SLC2A9: variants seen among roughly 807,000 people sequenced by gnomAD.
SLC2A9 encodes solute carrier family 2, facilitated glucose transporter member 9.
SLC2A9 carries 39 observed loss-of-function variants against 50.6 expected under a neutral mutation model. The ratio of observed to expected loss-of-function variants is 0.77; its 90% CI spans 0.60 to 1.01. The LOEUF (loss-of-function observed/expected upper bound fraction) is 1.01, where lower values mean the gene tolerates loss of function less well. Among genes scored for constraint, SLC2A9 ranks in the 50% least tolerant of loss-of-function variants. The pLI, the probability that SLC2A9 is intolerant of heterozygous loss-of-function variation, is 0.00. For synonymous variants in SLC2A9, 324 were observed against 276.9 expected (o/e 1.17, Z -1.69); for missense variants, 686 against 677.6 (o/e 1.01, Z -0.14).
At chr4:10,025,738 A>T (rs1763728158), upstream of SLC2A9, 20 of 641,506 alleles carry the variant, frequency 3.1e-5, no homozygotes, top group Non-Finnish European at 5.5e-5. Context: ...GACACTCTAC[A>T]ATCCCCATGG....
chr4:9,873,572 T>C (rs1319539074), intron 10 of SLC2A9, among the ~76,000 whole-genome samples: 1 of 152,208 alleles, frequency 6.6e-6, no homozygotes, highest in East Asian at 1.9e-4. Context: ...CACCATCATA[T>C]AAACAAACCT....
At chr4:9,937,346 G>A (rs1019405768) in intron 6 of SLC2A9, among the ~76,000 whole-genome samples, 1 of 152,098 alleles carries the variant, frequency 6.6e-6, no homozygotes, top group African/African-American at 2.4e-5. Context: ...ATTTATCTCT[G>A]TGGGCCTCTG....
At chr4:9,962,548 C>T (rs949145221) in intron 5 of SLC2A9, among the ~76,000 whole-genome samples, 3 of 152,104 alleles carry the variant, frequency 2.0e-5, no homozygotes, top group Admixed American at 6.5e-5. Flanking sequence ...AGGGGAACAA[C>T]ACACACTGGG....
intron 5 of SLC2A9, among the ~76,000 whole-genome samples, chr4:9,946,789 C>G (rs1315398028): frequency 4.6e-5 from 7 of 152,180 alleles, no homozygotes; most frequent in Non-Finnish European, 7.3e-5. Flanking sequence ...TCTCCTTATT[C>G]CTCTAAAATT....
chr4:9,938,909 G>A (rs1346978509), intron 6 of SLC2A9, among the ~76,000 whole-genome samples: 1 of 152,160 alleles, frequency 6.6e-6, no homozygotes, highest in African/African-American at 2.4e-5. Context: ...ACTATGAACT[G>A]GGGGTGGGGA....
chr4:9,861,331 AATG>A (rs1009024039), intron 10 of SLC2A9, among the ~76,000 whole-genome samples: 1 of 152,028 alleles, frequency 6.6e-6, no homozygotes, highest in South Asian at 2.1e-4. Flanking sequence ...CATCGTTTAA[AATG>A]ATGATAGTGA....
chr4:9,947,564 C>G (rs1749422056), intron 5 of SLC2A9, among the ~76,000 whole-genome samples: 1 of 152,168 alleles, frequency 6.6e-6, no homozygotes, highest in African/African-American at 2.4e-5. Context: ...CCGACCTTTC[C>G]CGAGCAGTTA....
At position 10,009,265 on chromosome 4, in the gene SLC2A9, G is replaced by A. The variant is rs2109412631; in HGVS notation, c.249+9710C>T. 1.3e-5 allele frequency among the ~76,000 whole-genome samples: 2 copies of A among 152,274 alleles called. 1 individual carries two copies. The highest frequency in any genetic ancestry group is 4.2e-4 in the South Asian group (2 of 4,814). ...CCAGGCGACATGCTTCTTTCTCTAAGAGCGCCTGGGTTCCCAGAGCAGCCT... is the reference window on the plus strand; with the variant it reads ...CCAGGCGACATGCTTCTTTCTCTAAAAGCGCCTGGGTTCCCAGAGCAGCCT... On this transcript the variant is annotated intron_variant, in intron 2 of 11. Coordinates refer to ENST00000264784, the MANE Select transcript of SLC2A9 (RefSeq NM_020041.3).
intron 6 of SLC2A9, among the ~76,000 whole-genome samples, chr4:9,923,610 A>G (rs1744341207): frequency 6.6e-6 from 1 of 152,152 alleles, no homozygotes; most frequent in Non-Finnish European, 1.5e-5. Flanking sequence ...AGAAAGAGTT[A>G]AGCTGCTGAC....
intron 10 of SLC2A9, among the ~76,000 whole-genome samples, chr4:9,854,118 TAAGA>T (rs527928057): frequency 4.0e-5 from 6 of 151,520 alleles, no homozygotes; most frequent in Non-Finnish European, 8.8e-5. Context: ...TAGCAGAAGA[TAAGA>T]AATAACCAAA....
chr4:9,891,004 G>A (rs1560251454), intron 8 of SLC2A9, among the ~76,000 whole-genome samples: 2 of 152,220 alleles, frequency 1.3e-5, no homozygotes, highest in African/African-American at 4.8e-5. Context: ...CTGGGAGAAG[G>A]AACTGGATGG....
At chr4:9,820,754 A>G (rs896415843) in intron 3 of SLC2A9, among the ~76,000 whole-genome samples, 1 of 152,248 alleles carries the variant, frequency 6.6e-6, no homozygotes, top group African/African-American at 2.4e-5. Context: ...CATTGCTAGT[A>G]CAGAGAAATA....
intron 3 of SLC2A9, among the ~76,000 whole-genome samples, chr4:9,789,626 T>A (rs1310154527): frequency 6.6e-6 from 1 of 152,222 alleles, no homozygotes; most frequent in Non-Finnish European, 1.5e-5. Context: ...GTTGAGCCCA[T>A]GTGGAAACCC....
chr4:9,979,387 C>T (rs186014393), intron 5 of SLC2A9, among the ~76,000 whole-genome samples: 229 of 152,244 alleles, frequency 1.5e-3, no homozygotes, highest in Non-Finnish European at 2.6e-3. Flanking sequence ...GTCTGTTGTG[C>T]ACTGTTCGTG....
At chr4:10,014,532 T>C (rs79950629) in intron 2 of SLC2A9, among the ~76,000 whole-genome samples, 1 of 152,136 alleles carries the variant, frequency 6.6e-6, no homozygotes, top group Non-Finnish European at 1.5e-5. Context: ...AGCTCCCCTT[T>C]CCAGCCTCTA....
intron 2 of SLC2A9, among the ~76,000 whole-genome samples, chr4:10,005,134 C>T (rs1760549491): frequency 6.6e-6 from 1 of 152,064 alleles, no homozygotes; most frequent in Non-Finnish European, 1.5e-5. Flanking sequence ...CTAGTGGAGA[C>T]AGTAGTCAAG....
At chr4:9,855,972 C>A (rs865976717) in intron 10 of SLC2A9, among the ~76,000 whole-genome samples, 1 of 152,076 alleles carries the variant, frequency 6.6e-6, no homozygotes, top group African/African-American at 2.4e-5. Flanking sequence ...CAATATGGAT[C>A]AAAGACTTAA....
chr4:9,844,047 G>C (rs1021811115), intron 10 of SLC2A9, among the ~76,000 whole-genome samples: 1 of 150,560 alleles, frequency 6.6e-6, no homozygotes, highest in Non-Finnish European at 1.5e-5. Flanking sequence ...TAGGACTCTA[G>C]GTAAAATAAA....
chr4:9,961,168 AT>A (rs950169923), intron 5 of SLC2A9, among the ~76,000 whole-genome samples: 1 of 152,142 alleles, frequency 6.6e-6, no homozygotes, highest in African/African-American at 2.4e-5. Context: ...AGTCAGAGCA[AT>A]TTCCGTCATG....
Sources: gnomAD v4.1 joint callset for allele counts (sites outside exome capture counted in the v4.1 genomes callset) on GRCh38, gnomAD v4.1.1 for gene constraint, MANE v1.5 for transcripts, NCBI Gene and HGNC (gene_info 2026-07-23, HGNC 2026-07-21) for gene names.